BRD10: variants seen among roughly 807,000 people sequenced by gnomAD.
BRD10 encodes bromodomain containing 10.
At chr9:5,954,516 T>A in the BRD10 span, among the ~76,000 whole-genome samples, 53 of 152,232 alleles carry the variant, frequency 3.5e-4, no homozygotes, top group Non-Finnish European at 6.8e-4. Flanking sequence ...GACTATGGTC[T>A]CTAGCCAGCC....
chr9:5,883,523 T>C, the BRD10 span, among the ~76,000 whole-genome samples: 1 of 149,128 alleles, frequency 6.7e-6, no homozygotes, highest in Admixed American at 6.8e-5. Context: ...TGGAGTGTAG[T>C]GGTGCAATCA....
chr9:5,980,253 CA>C, the BRD10 span, among the ~76,000 whole-genome samples: 3 of 152,246 alleles, frequency 2.0e-5, no homozygotes, highest in African/African-American at 7.2e-5. Context: ...TCTCCTAAAT[CA>C]ACAGGGTCTC....
the BRD10 span, among the ~76,000 whole-genome samples, chr9:5,879,345 G>A: frequency 6.6e-6 from 1 of 151,744 alleles, no homozygotes; most frequent in East Asian, 1.9e-4. Context: ...CTCCAGCCTG[G>A]GAAGGGCAAC....
the BRD10 span, among the ~76,000 whole-genome samples, chr9:5,948,008 T>C: frequency 6.6e-6 from 1 of 152,112 alleles, no homozygotes; most frequent in East Asian, 1.9e-4. Flanking sequence ...GAGAGGAGGT[T>C]TTCAGTCAAG....
At chr9:5,940,176 T>C in the BRD10 span, among the ~76,000 whole-genome samples, 216 of 152,334 alleles carry the variant, frequency 1.4e-3, 1 homozygote, top group East Asian at 0.012. Context: ...CATATTATTT[T>C]GTATGTCTTT....
At chr9:5,923,644 G>T in the BRD10 span, among the ~76,000 whole-genome samples, 2 of 152,126 alleles carry the variant, frequency 1.3e-5, no homozygotes, top group Non-Finnish European at 2.9e-5. Context: ...TCAGGGCTCA[G>T]AATTTAATTT....
chr9:5,913,462 T>C, the BRD10 span, among the ~76,000 whole-genome samples: 1 of 152,206 alleles, frequency 6.6e-6, no homozygotes, highest in Non-Finnish European at 1.5e-5. Context: ...TAATGGGTTG[T>C]TTGGATGAAA....
chr9:5,987,767 T>C, the BRD10 span, among the ~76,000 whole-genome samples: 1 of 152,228 alleles, frequency 6.6e-6, no homozygotes, highest in Non-Finnish European at 1.5e-5. Context: ...GTTTGTTTGT[T>C]TGTCAGTATA....
At chr9:5,913,493 C>A in the BRD10 span, among the ~76,000 whole-genome samples, 2 of 152,028 alleles carry the variant, frequency 1.3e-5, no homozygotes, top group African/African-American at 4.8e-5. Context: ...TTAGGAAAAT[C>A]TAAAAGCGCT....
chr9:5,926,706 T>C, the BRD10 span, among the ~76,000 whole-genome samples: 1 of 152,052 alleles, frequency 6.6e-6, no homozygotes, highest in Non-Finnish European at 1.5e-5. Context: ...TAATTTTTTG[T>C]GTTTTTAGTA....
At chr9:5,923,434 A>G in the BRD10 span, 1 of 700,160 alleles carries the variant, frequency 1.4e-6, no homozygotes, top group Non-Finnish European at 2.3e-6. Context: ...CTGCAGGGTG[A>G]TTCAAAAGCC....
chr9:5,920,968 T>G, the BRD10 span: 1 of 1,614,004 alleles, frequency 6.2e-7, no homozygotes, highest in Non-Finnish European at 8.5e-7. Context: ...CAGGAGGTTG[T>G]GCCCCAGCTG....
chr9:5,892,264 T>C, the BRD10 span, among the ~76,000 whole-genome samples: 3 of 152,228 alleles, frequency 2.0e-5, no homozygotes, highest in Non-Finnish European at 4.4e-5. Flanking sequence ...GTTAGAAACC[T>C]GAGCTATTGC....
the BRD10 span, among the ~76,000 whole-genome samples, chr9:5,980,014 CAA>C: frequency 9.5e-4 from 95 of 99,976 alleles, no homozygotes; most frequent in Admixed American, 1.6e-3. Context: ...GACTCCATCT[CAA>C]AAAAAAAAAA....
chr9:5,928,715 A>C, the BRD10 span, among the ~76,000 whole-genome samples: 4 of 152,148 alleles, frequency 2.6e-5, no homozygotes, highest in Non-Finnish European at 5.9e-5. Context: ...TTTCCCTGAC[A>C]CCTGATCAAA....
the BRD10 span, among the ~76,000 whole-genome samples, chr9:5,998,877 A>C: frequency 6.6e-6 from 1 of 152,086 alleles, no homozygotes; most frequent in East Asian, 1.9e-4. Context: ...AAACTTAAGA[A>C]TATAAATGGT....
the BRD10 span, among the ~76,000 whole-genome samples, chr9:6,000,818 T>C: frequency 6.6e-6 from 1 of 152,246 alleles, no homozygotes; most frequent in Non-Finnish European, 1.5e-5. Context: ...CCTAATCTTT[T>C]TTCTTTTCAG....
the BRD10 span, among the ~76,000 whole-genome samples, chr9:5,985,117 T>C: frequency 4.6e-5 from 7 of 152,302 alleles, no homozygotes; most frequent in East Asian, 1.2e-3. Context: ...ATACGTTCAA[T>C]TGCTTTTCAA....
the BRD10 span, among the ~76,000 whole-genome samples, chr9:5,973,018 T>C: frequency 6.6e-6 from 1 of 152,140 alleles, no homozygotes; most frequent in Non-Finnish European, 1.5e-5. Context: ...TTCTAAAGAA[T>C]GTGCTTCCAG....
Sources: allele counts gnomAD v4.1 joint callset (sites outside exome capture counted in the v4.1 genomes callset), GRCh38; gene constraint gnomAD v4.1.1; transcripts MANE v1.5; gene names NCBI Gene and HGNC (gene_info 2026-07-23, HGNC 2026-07-21).